NF1: variants seen among roughly 807,000 people sequenced by gnomAD.
NF1 encodes the protein neurofibromin 1.
A neutral mutation model predicts 325.7 loss-of-function variants in NF1; 122 were observed. That is an observed-to-expected ratio of 0.37 (90% CI 0.32 to 0.44). The LOEUF (loss-of-function observed/expected upper bound fraction) is 0.44. Ranked by LOEUF, NF1 falls within the 20% of genes least tolerant of loss-of-function variation. NF1 has a pLI of 1.00. For synonymous variants in NF1, 1,091 were observed against 1,186.0 expected (o/e 0.92, Z 1.65); for missense variants, 2,140 against 3,415.4 (o/e 0.63, Z 9.31).
chr17:31,307,369 C>T (rs1461259696), intron 36 of NF1, among the ~76,000 whole-genome samples: 1 of 152,098 alleles, frequency 6.6e-6, no homozygotes, highest in Non-Finnish European at 1.5e-5. Context: ...AGGAGATGTA[C>T]AGAGAAGTTA....
intron 8 of NF1, among the ~76,000 whole-genome samples, chr17:31,190,595 G>A (rs1197954096): frequency 6.6e-6 from 1 of 152,124 alleles, no homozygotes; most frequent in African/African-American, 2.4e-5. Flanking sequence ...TGAATGGGTG[G>A]ATATTCAGAT....
At chr17:31,329,356 A>G (rs1376078025) in intron 38 of NF1, among the ~76,000 whole-genome samples, 1 of 152,202 alleles carries the variant, frequency 6.6e-6, no homozygotes, top group Non-Finnish European at 1.5e-5. Flanking sequence ...ACCTAAAGCA[A>G]TCTCTGACAG....
intron 36 of NF1, among the ~76,000 whole-genome samples, chr17:31,307,255 G>A (rs980345641): frequency 1.3e-5 from 2 of 151,610 alleles, no homozygotes; most frequent in African/African-American, 4.9e-5. Context: ...CTGACCTCAG[G>A]TGATCTGCCT....
intron 36 of NF1, among the ~76,000 whole-genome samples, chr17:31,287,554 G>GTGTGTGTGTA (rs1225194496): frequency 6.6e-6 from 1 of 151,132 alleles, no homozygotes; most frequent in African/African-American, 2.4e-5. Context: ...GTGTGTGTGT[G>GTGTGTGTGTA]TGTGTGTGTG....
chr17:31,334,622 T>G, intron 39 of NF1: 1 of 516,686 alleles, frequency 1.9e-6, no homozygotes, highest in East Asian at 3.2e-5. Context: ...ACAAAACTTT[T>G]CAAAAATTGG....
At chr17:31,350,506 T>G (rs1385413677) in intron 50 of NF1, among the ~76,000 whole-genome samples, 188 bp downstream of exon 50, 1 of 152,216 alleles carries the variant, frequency 6.6e-6, no homozygotes, top group South Asian at 2.1e-4. Context: ...AAAGTTATTC[T>G]TCCAGTCTGA....
chr17:31,374,263 T>A lies in NF1; in HGVS notation c.*108T>A. 6.9e-7 allele frequency: 1 copy of A among 1,447,884 alleles called. No individual in the cohort carries two copies. The highest frequency in any genetic ancestry group is 9.7e-7 in the Non-Finnish European group (1 of 1,035,860). The allele number at this position is 1,447,884 out of a possible 1,614,324, so 89.7% of individuals were successfully genotyped here. Reference sequence around the variant, plus strand: ...CATGTTGTAATGCTGCACTTCCTGTTTTATAATGAACCCATCCGGTTTGCC... The same window carrying A: ...CATGTTGTAATGCTGCACTTCCTGTATTATAATGAACCCATCCGGTTTGCC... On this transcript the variant is annotated 3_prime_UTR_variant, in exon 58 of 58. Transcript: ENST00000358273.
intron 1 of NF1, among the ~76,000 whole-genome samples, chr17:31,108,273 T>G (rs989117808): frequency 2.3e-4 from 31 of 136,696 alleles, no homozygotes; most frequent in African/African-American, 7.4e-4. Flanking sequence ...TTTTTTTTTT[T>G]TTTTTTTTTT....
In NF1 at chr17:31,307,996, C is replaced by G. The variant is rs1403872468; in HGVS notation, c.4836-17824C>G. The G allele has an allele frequency of 2.8e-6, 3 of 1,089,872 alleles. No individual in the cohort carries two copies. The Admixed American group carries it at 7.1e-5, about 26-fold the overall frequency. 67.5% of individuals were successfully genotyped at this position (1,089,872 alleles called of 1,614,324 possible). ...GAAGAAAAGATATGTGATTTTTTTC[C>G]CTATACGAATAATTCAAGCCTGAAT... On this transcript the variant is annotated intron_variant, in intron 36 of 57. Transcript: ENST00000358273.
chr17:31,355,671 G>A (rs1432385134), intron 51 of NF1: 1 of 152,346 alleles, frequency 6.6e-6, no homozygotes, highest in Non-Finnish European at 1.5e-5. Context: ...GCAACATGGA[G>A]AAACCCTGTC....
At chr17:31,309,015 T>A (rs2068802741) in intron 36 of NF1, among the ~76,000 whole-genome samples, 1 of 152,232 alleles carries the variant, frequency 6.6e-6, no homozygotes, top group South Asian at 2.1e-4. Flanking sequence ...TTGCATACTT[T>A]ATTTCACAGA....
rs564882499 is a variant in NF1, at chr17:31,125,733, G to A, written c.61-30250G>A. Among the ~76,000 whole-genome samples the A allele has an allele frequency of 1.5e-4, 23 of 151,708 alleles. No individual in the cohort carries two copies. In the East Asian group the frequency reaches 4.1e-3, roughly 27 times the overall value. Reference sequence around the variant, plus strand: ...GTATTTTTATTAGAGACGGGGTTTCGCCATGTTAGCCAGGCTGGTCTCGAA... The same window carrying A: ...GTATTTTTATTAGAGACGGGGTTTCACCATGTTAGCCAGGCTGGTCTCGAA... On this transcript the variant is annotated intron_variant, in intron 1 of 57. Coordinates refer to ENST00000358273, the MANE Select transcript of NF1 (RefSeq NM_001042492.3).
Position 31,377,096 on chromosome 17 carries a change from C to T in NF1, c.*2941C>T, listed in dbSNP as rs1004417935. 8.6e-6 allele frequency: 2 copies of T among 233,438 alleles called. No homozygotes were observed. Among genetic ancestry groups the T allele is most frequent in the Non-Finnish European group, 1.7e-5 (2 of 118,036 alleles). The allele number at this position is 233,438 out of a possible 1,614,324, so 14.5% of individuals were successfully genotyped here. A position where few individuals can be genotyped will look rare whatever the true frequency, so the allele number is the denominator to read the frequency against. Reference sequence around the variant, plus strand: ...TTTGTTTCTACATCCTTCCCCGACTCCCAGGCATAATGAGGCATGTCTTAC... The same window carrying T: ...TTTGTTTCTACATCCTTCCCCGACTTCCAGGCATAATGAGGCATGTCTTAC... On this transcript the variant is annotated 3_prime_UTR_variant, in exon 58 of 58. Coordinates refer to ENST00000358273, the MANE Select transcript of NF1 (RefSeq NM_001042492.3).
At chr17:31,130,806 T>C (rs1021800563) in intron 1 of NF1, among the ~76,000 whole-genome samples, 7 of 152,048 alleles carry the variant, frequency 4.6e-5, no homozygotes, top group South Asian at 4.1e-4. Flanking sequence ...TGTGCACACG[T>C]GTGGGCAAAG....
Position 31,260,460 on chromosome 17 carries a change from C to T in NF1, c.4522C>T (p.His1508Tyr), listed in dbSNP as rs1393895345. ...FISDGNVLAL[H>Y]RLLWNNQEKI... ...AAGTGACGGCAATGTGCTTGCTTTA[C>T]ATCGTCTACTCTGGAACAATCAGGA... The change falls in exon 34 of 58, where the codon CAT (histidine) becomes TAT (tyrosine). Residue 1508 changes from histidine to tyrosine, a missense_variant. This residue lies in a region of NF1 where 336 missense variants were observed against 399.0 expected (regional missense o/e 0.84). Coordinates refer to ENST00000358273, the MANE Select transcript of NF1 (RefSeq NM_001042492.3). 4 of 1,614,024 alleles carry T rather than the reference C, an allele frequency of 2.5e-6. No individual in the cohort carries two copies. The highest frequency in any genetic ancestry group is 3.4e-6 in the Non-Finnish European group (4 of 1,179,974).
chr17:31,316,813 G>A (rs534817978), intron 36 of NF1, among the ~76,000 whole-genome samples: 4 of 152,130 alleles, frequency 2.6e-5, no homozygotes, highest in African/African-American at 7.2e-5. Context: ...GAATAGATTT[G>A]TTTTTTACAA....
At chr17:31,174,192 AAAG>A (rs764976114) in intron 5 of NF1, among the ~76,000 whole-genome samples, 1 of 152,174 alleles carries the variant, frequency 6.6e-6, no homozygotes, top group Non-Finnish European at 1.5e-5. Flanking sequence ...CAATAAACTT[AAAG>A]AAGAAGAAAT....
At chr17:31,298,989 A>G (rs2068520939) in intron 36 of NF1, among the ~76,000 whole-genome samples, 1 of 152,068 alleles carries the variant, frequency 6.6e-6, no homozygotes, top group South Asian at 2.1e-4. Context: ...AATGGATTCA[A>G]ATGAATTTGG....
intron 36 of NF1, chr17:31,318,438 T>C (rs752482562): frequency 1.9e-6 from 3 of 1,614,042 alleles, no homozygotes; most frequent in Non-Finnish European, 2.5e-6. Context: ...AAGTGTCTGA[T>C]TCAGCGGGCC....
Sources: gnomAD v4.1 joint callset for allele counts (sites outside exome capture counted in the v4.1 genomes callset) on GRCh38, gnomAD v4.1.1 for gene constraint, gnomAD v4.1.1 regional missense constraint, MANE v1.5 for transcripts, NCBI Gene and HGNC (gene_info 2026-07-23, HGNC 2026-07-21) for gene names.